FAF1: variants seen among roughly 807,000 people sequenced by gnomAD.
FAF1 encodes the protein FAS-associated factor 1.
In FAF1, 25 loss-of-function variants were observed where a neutral mutation model predicts 92.5. The observed-to-expected ratio is 0.27, with a 90% confidence interval of 0.20 to 0.38. FAF1 has a LOEUF of 0.38. FAF1 is among the 10% of genes least tolerant of loss of function. FAF1 has a pLI of 1.00. For synonymous variants in FAF1, 234 were observed against 273.2 expected, an observed-to-expected ratio of 0.86 and a Z score of 1.42; for missense variants, 636 against 793.3, an observed-to-expected ratio of 0.80 and a Z score of 2.38.
intron 18 of FAF1, 36 bp downstream of exon 18, chr1:50,475,428 C>T (rs1229696520): frequency 7.9e-6 from 12 of 1,521,568 alleles, no homozygotes; most frequent in South Asian, 1.2e-5. Context: ...CATCTCCCAC[C>T]TGGATATACT....
chr1:50,578,106 A>G (rs1412257239), intron 12 of FAF1, among the ~76,000 whole-genome samples: 1 of 152,206 alleles, frequency 6.6e-6, no homozygotes, highest in Non-Finnish European at 1.5e-5. Flanking sequence ...CACCACTCCA[A>G]TAAACATTTA....
intron 18 of FAF1, among the ~76,000 whole-genome samples, chr1:50,445,936 A>G (rs556312120): frequency 4.4e-4 from 67 of 152,326 alleles, no homozygotes; most frequent in African/African-American, 1.6e-3. Context: ...ATTCCTTTCT[A>G]GATCAATTTT....
In FAF1 at chr1:50,687,124, C is replaced by T. The variant is rs1247577390; in HGVS notation, c.657+18662G>A. On this transcript the variant is annotated intron_variant, in intron 7 of 18. Transcript: ENST00000396153. ...GATTATAGGAATAAGCCATGGTGCC[C>T]GACCTGAAACTTGGCATTTTTATAT... is the stretch of plus-strand genomic sequence containing the variant. Among the ~76,000 whole-genome samples the T allele has an allele frequency of 2.6e-5, 4 of 152,160 alleles. No individual in the cohort carries two copies. In the South Asian group the frequency reaches 6.2e-4, roughly 24 times the overall value.
At chr1:50,462,438 C>T (rs1290950994) in intron 18 of FAF1, 1 of 152,122 alleles carries the variant, frequency 6.6e-6, no homozygotes, top group Non-Finnish European at 1.5e-5. Context: ...TGAAATGTGA[C>T]TGAGGAGAGG....
chr1:50,846,933 T>C (rs1644306524), intron 2 of FAF1: 1 of 307,064 alleles, frequency 3.3e-6, no homozygotes, highest in South Asian at 3.3e-5. Flanking sequence ...TGGCCTTTTA[T>C]ATATAAGAGT....
At chr1:50,789,100 G>A (rs1005177605) in intron 3 of FAF1, among the ~76,000 whole-genome samples, 1 of 152,122 alleles carries the variant, frequency 6.6e-6, no homozygotes, top group African/African-American at 2.4e-5. Flanking sequence ...CTCCCAAAGT[G>A]CTGGGATTAC....
intron 13 of FAF1, among the ~76,000 whole-genome samples, chr1:50,540,570 A>C (rs1417486557): frequency 6.6e-6 from 1 of 152,208 alleles, no homozygotes; most frequent in East Asian, 1.9e-4. Context: ...AGATATTAGC[A>C]TACTGAAGTC....
At chr1:50,735,076 G>A (rs1462970225) in intron 6 of FAF1, among the ~76,000 whole-genome samples, 2 of 152,092 alleles carry the variant, frequency 1.3e-5, no homozygotes, top group African/African-American at 4.8e-5. Context: ...TTCTATACAG[G>A]AATAACTTAA....
chr1:50,858,084 TA>T (rs1557561792), intron 1 of FAF1, 87 bp from the exon 2 acceptor site: 1 of 878,202 alleles, frequency 1.1e-6, no homozygotes, highest in Non-Finnish European at 1.8e-6. Flanking sequence ...GCATAATATG[TA>T]ATTTAAATTC....
intron 4 of FAF1, among the ~76,000 whole-genome samples, chr1:50,748,716 T>A (rs1659729939): frequency 6.6e-6 from 1 of 152,220 alleles, no homozygotes; most frequent in African/African-American, 2.4e-5. Context: ...TATATCTGCT[T>A]ATGTTAGGTT....
chr1:50,913,525 G>A (rs1298126101), intron 1 of FAF1, among the ~76,000 whole-genome samples: 3 of 152,104 alleles, frequency 2.0e-5, no homozygotes, highest in Non-Finnish European at 4.4e-5. Flanking sequence ...CATCAAAAAA[G>A]GAAGAGAATC....
In FAF1 at chr1:50,677,120, A is replaced by G. The variant is rs187050313; in HGVS notation, c.658-21592T>C. 2.4e-3 allele frequency among the ~76,000 whole-genome samples: 373 copies of G among 152,330 alleles called. 2 individuals carry two copies. Among genetic ancestry groups the G allele is most frequent in the Non-Finnish European group, 4.3e-3 (294 of 68,024 alleles). On this transcript the variant is annotated intron_variant, in intron 7 of 18. Transcript: ENST00000396153. The stretch of plus-strand genomic sequence containing the variant: ...GTTCAGAAAGAATAATATTATTAAG[A>G]TAAACCCATACACAAAGAAAAATGG...
intron 1 of FAF1, among the ~76,000 whole-genome samples, chr1:50,952,982 A>G (rs895326919): frequency 2.0e-5 from 3 of 152,242 alleles, no homozygotes; most frequent in Non-Finnish European, 2.9e-5. Context: ...AGAAAGAGAG[A>G]TGGGATTGTT....
At chr1:50,455,988 T>A in intron 18 of FAF1, among the ~76,000 whole-genome samples, 1 of 151,912 alleles carries the variant, frequency 6.6e-6, no homozygotes, top group East Asian at 1.9e-4. Flanking sequence ...GGCAGGAGAA[T>A]CGCTTGAGCC....
intron 1 of FAF1, among the ~76,000 whole-genome samples, chr1:50,942,821 G>A (rs1645144231): frequency 6.6e-6 from 1 of 151,420 alleles, no homozygotes; most frequent in African/African-American, 2.4e-5. Context: ...GGGTGACACA[G>A]AGTGGGCCAT....
At chr1:50,911,771 G>A (rs1005263090) in intron 1 of FAF1, among the ~76,000 whole-genome samples, 3 of 151,192 alleles carry the variant, frequency 2.0e-5, no homozygotes, top group Admixed American at 6.6e-5. Context: ...GGTGCCTCAC[G>A]CCTGTAATCC....
At chr1:50,833,949 C>CAA (rs1235218876) in intron 2 of FAF1, among the ~76,000 whole-genome samples, 4 of 152,222 alleles carry the variant, frequency 2.6e-5, no homozygotes, top group Non-Finnish European at 4.4e-5. Flanking sequence ...CTGCATTCAT[C>CAA]TGGTTTATCC....
chr1:50,630,733 A>G (rs1013594935), intron 8 of FAF1, among the ~76,000 whole-genome samples: 1 of 151,750 alleles, frequency 6.6e-6, no homozygotes, highest in African/African-American at 2.4e-5. Flanking sequence ...TAATAATACA[A>G]TTCTTACAAA....
chr1:50,872,064 C>CAAAAAAAAAAAAA (rs200142842), intron 1 of FAF1, among the ~76,000 whole-genome samples: 1 of 65,546 alleles, frequency 1.5e-5, no homozygotes. Context: ...GACTCCATCT[C>CAAAAAAAAAAAAA]AAAAAAAAAA....
Sources: gnomAD v4.1 joint callset for allele counts (sites outside exome capture counted in the v4.1 genomes callset) on GRCh38, gnomAD v4.1.1 for gene constraint, MANE v1.5 for transcripts, NCBI Gene and HGNC (gene_info 2026-07-23, HGNC 2026-07-21) for gene names.